Variants in NCOA7 observed in about 807,000 individuals in gnomAD.
The protein encoded by NCOA7 is nuclear receptor coactivator 7.
In NCOA7, 45 loss-of-function variants were observed where a neutral mutation model predicts 104.3. The ratio of observed to expected loss-of-function variants is 0.43; its 90% CI spans 0.34 to 0.55. NCOA7 has a LOEUF of 0.55. NCOA7 is among the 20% of genes least tolerant of loss of function. The pLI, the probability that NCOA7 is intolerant of heterozygous loss-of-function variation, is 0.02. For synonymous variants in NCOA7, 398 were observed against 402.3 expected (o/e 0.99, Z 0.13); for missense variants, 1,041 against 1,119.7 (o/e 0.93, Z 1.00).
At chr6:125,843,901 T>A (rs891669918) in intron 2 of NCOA7, among the ~76,000 whole-genome samples, 1 of 152,252 alleles carries the variant, frequency 6.6e-6, no homozygotes, top group African/African-American at 2.4e-5. Context: ...TAATACAATG[T>A]AGACATTCTA....
At chr6:125,882,633 A>G (rs750512336) in intron 7 of NCOA7, 82 bp downstream of exon 7, 12 of 1,505,730 alleles carry the variant, frequency 8.0e-6, no homozygotes, top group East Asian at 6.9e-5. Flanking sequence ...AACAGAGGCT[A>G]CATTAAAAGA....
Position 125,810,675 on chromosome 6 carries a change from A to C in NCOA7, c.-64-4616A>C, listed in dbSNP as rs377098268. On this transcript the variant is annotated intron_variant, in intron 1 of 15. Coordinates refer to ENST00000392477, the MANE Select transcript of NCOA7 (RefSeq NM_181782.5). ...AGGAGCTCTGGTTCTTCACTGAAGC[A>C]TGAAGGCTGCAGTGTGGTGTTCTGT... 1.1e-3 allele frequency among the ~76,000 whole-genome samples: 171 copies of C among 152,328 alleles called. 1 individual carries two copies. The South Asian group carries it at 0.013, about 11-fold the overall frequency.
At chr6:125,821,593 C>T (rs948099968) in intron 2 of NCOA7, among the ~76,000 whole-genome samples, 1 of 152,124 alleles carries the variant, frequency 6.6e-6, no homozygotes. Context: ...AACTTATAAG[C>T]GACCTTTTCA....
intron 1 of NCOA7, among the ~76,000 whole-genome samples, chr6:125,801,879 G>C (rs1301619275): frequency 4.6e-5 from 7 of 152,130 alleles, no homozygotes; most frequent in Admixed American, 6.5e-5. Context: ...GAGTACTGAG[G>C]ATTATAACTT....
At chr6:125,867,868 C>T (rs1782567126) in intron 3 of NCOA7, among the ~76,000 whole-genome samples, 1 of 152,184 alleles carries the variant, frequency 6.6e-6, no homozygotes, top group African/African-American at 2.4e-5. Flanking sequence ...ATTTTTCCCT[C>T]TGCTCACCTG....
At chr6:125,826,718 C>A (rs1214453407) in intron 2 of NCOA7, among the ~76,000 whole-genome samples, 1 of 152,164 alleles carries the variant, frequency 6.6e-6, no homozygotes, top group Admixed American at 6.5e-5. Flanking sequence ...ATACTTTTCA[C>A]AAATACGTTG....
chr6:125,856,042 C>T (rs566423923), intron 3 of NCOA7, among the ~76,000 whole-genome samples: 2 of 152,160 alleles, frequency 1.3e-5, no homozygotes, highest in Non-Finnish European at 2.9e-5. Flanking sequence ...ACCTGAATCA[C>T]CCATCTCACA....
rs1380634250 is a variant in NCOA7, at chr6:125,865,425, G to A, written c.272-9464G>A. On this transcript the variant is annotated intron_variant, in intron 3 of 15. Transcript: ENST00000392477. ...GGAAGGTAGGTAACATGTACTGCAT[G>A]ACATTTTCCTTTGTGCCACAGGTTA... Among the ~76,000 whole-genome samples the A allele has an allele frequency of 1.5e-5, 2 of 137,444 alleles. 1 individual carries two copies. The highest frequency in any genetic ancestry group is 6.1e-5 in the African/African-American group (2 of 32,858). The allele number at this position is 137,444 out of a possible 152,430, so 90.2% of individuals were successfully genotyped here.
At chr6:125,801,765 G>C (rs1775907811) in intron 1 of NCOA7, among the ~76,000 whole-genome samples, 2 of 152,108 alleles carry the variant, frequency 1.3e-5, no homozygotes, top group Non-Finnish European at 2.9e-5. Context: ...TCACTACATG[G>C]CCATCTTCTT....
chr6:125,814,383 C>A (rs997554580), intron 1 of NCOA7, among the ~76,000 whole-genome samples: 1 of 152,078 alleles, frequency 6.6e-6, no homozygotes, highest in African/African-American at 2.4e-5. Flanking sequence ...CTCAAACTAC[C>A]AATCTCAAGT....
chr6:125,902,700 G>A (rs1051828528), intron 10 of NCOA7, among the ~76,000 whole-genome samples: 1 of 152,152 alleles, frequency 6.6e-6, no homozygotes, highest in Non-Finnish European at 1.5e-5. Flanking sequence ...CTTTGTCAGT[G>A]ACAGGCTTTT....
chr6:125,895,221 G>A (rs1784907685), intron 10 of NCOA7, among the ~76,000 whole-genome samples: 1 of 152,130 alleles, frequency 6.6e-6, no homozygotes, highest in Non-Finnish European at 1.5e-5. Flanking sequence ...AAATAAGATG[G>A]AAATAGTGTT....
Position 125,927,648 on chromosome 6 carries a change from GTTTTC to G in NCOA7, c.2524-10_2524-6del. ...AGGTTTGAATGTAGGTAACATTTCT[GTTTTC>G]TTTTGACAGATTTTTGGAGCATATG... On this transcript the variant is annotated splice_polypyrimidine_tract_variant and intron_variant, in intron 13 of 15. Coordinates refer to ENST00000392477, the MANE Select transcript of NCOA7 (RefSeq NM_181782.5). 6.2e-7 allele frequency: 1 copy of G among 1,604,034 alleles called. No individual in the cohort carries two copies. Among genetic ancestry groups the G allele is most frequent in the Non-Finnish European group, 8.5e-7 (1 of 1,170,828 alleles).
intron 1 of NCOA7, among the ~76,000 whole-genome samples, chr6:125,782,150 TTAAA>T (rs1774256568): frequency 6.6e-6 from 1 of 152,240 alleles, no homozygotes; most frequent in African/African-American, 2.4e-5. Context: ...ATATATTGGG[TTAAA>T]TAAAATATTA....
chr6:125,819,449 A>C (rs549195912), intron 2 of NCOA7, among the ~76,000 whole-genome samples: 10 of 151,822 alleles, frequency 6.6e-5, no homozygotes, highest in African/African-American at 2.4e-4. Context: ...GGATTTTCTG[A>C]CCCTGGTCCA....
chr6:125,824,182 T>C (rs2128583602), intron 2 of NCOA7, among the ~76,000 whole-genome samples: 1 of 152,336 alleles, frequency 6.6e-6, no homozygotes, highest in South Asian at 2.1e-4. Flanking sequence ...CACTACAGTT[T>C]AATGGGTTCC....
At chr6:125,875,731 C>T (rs913480515) in intron 4 of NCOA7, among the ~76,000 whole-genome samples, 3 of 152,116 alleles carry the variant, frequency 2.0e-5, no homozygotes, top group Admixed American at 6.6e-5. Context: ...AATTCATTAG[C>T]GTGTTGTTAT....
At chr6:125,866,433 G>A (rs1008297699) in intron 3 of NCOA7, among the ~76,000 whole-genome samples, 1 of 152,038 alleles carries the variant, frequency 6.6e-6, no homozygotes, top group Non-Finnish European at 1.5e-5. Context: ...CCAAATCTTA[G>A]CCATTATTCA....
intron 2 of NCOA7, among the ~76,000 whole-genome samples, chr6:125,845,262 C>G (rs1367514237): frequency 2.6e-5 from 4 of 152,026 alleles, no homozygotes. Flanking sequence ...CAGACCAGCT[C>G]TATCTGATTT....
Sources: gnomAD v4.1 joint callset for allele counts (sites outside exome capture counted in the v4.1 genomes callset) on GRCh38, gnomAD v4.1.1 for gene constraint, MANE v1.5 for transcripts, NCBI Gene and HGNC (gene_info 2026-07-23, HGNC 2026-07-21) for gene names.